SLC43A2: variants seen among roughly 807,000 people sequenced by gnomAD.
SLC43A2 encodes the protein large neutral amino acids transporter small subunit 4.
Under a neutral mutation model 63.2 loss-of-function variants are expected in SLC43A2, and 38 were observed. The observed-to-expected ratio is 0.60, with a 90% CI of 0.46 to 0.79. SLC43A2 has a LOEUF of 0.79. SLC43A2 is among the 30% of genes least tolerant of loss of function. SLC43A2 has a pLI of 0.00. For synonymous variants in SLC43A2, 322 were observed against 331.0 expected, an observed-to-expected ratio of 0.97 and a Z score of 0.30; for missense variants, 644 against 756.2, an observed-to-expected ratio of 0.85 and a Z score of 1.74.
chr17:1,580,379 T>C (rs2075993635), intron 11 of SLC43A2, among the ~76,000 whole-genome samples: 1 of 152,176 alleles, frequency 6.6e-6, no homozygotes, highest in Admixed American at 6.5e-5. Flanking sequence ...CAGACGTGTA[T>C]GGGCACAGCA....
At chr17:1,619,854 T>C (rs1357239476) in intron 2 of SLC43A2, among the ~76,000 whole-genome samples, 7 of 152,080 alleles carry the variant, frequency 4.6e-5, no homozygotes, top group Non-Finnish European at 1.0e-4. Flanking sequence ...ATGGGTGACT[T>C]GTGGGGACAG....
chr17:1,611,464 G>A (rs1377536968), intron 5 of SLC43A2, among the ~76,000 whole-genome samples: 2 of 151,756 alleles, frequency 1.3e-5, no homozygotes, highest in African/African-American at 2.4e-5. Flanking sequence ...GTGAAACCCC[G>A]TCTCTACTAA....
chr17:1,594,983 C>G (rs945744499), intron 5 of SLC43A2, among the ~76,000 whole-genome samples: 5 of 151,958 alleles, frequency 3.3e-5, no homozygotes, highest in Admixed American at 3.3e-4. Flanking sequence ...TTAAGACCAG[C>G]CTGGACAACA....
chr17:1,588,972 C>T (rs771446186), intron 9 of SLC43A2, among the ~76,000 whole-genome samples: 4 of 152,208 alleles, frequency 2.6e-5, no homozygotes, highest in Non-Finnish European at 4.4e-5. Flanking sequence ...CCTGCGGAGC[C>T]GCAAAGCTCA....
In SLC43A2 at chr17:1,606,117, C is replaced by T. The variant is rs9903662; in HGVS notation, c.501+7078G>A. On this transcript the variant is annotated intron_variant, in intron 5 of 13. Transcript: ENST00000301335. This position sits in a 1 kb window ranked among gnomAD's most constrained non-coding sequence, Gnocchi z 4.7. ...GCACTGGGCACTGGCAAGTCCCGCT[C>T]ACCAGGCACCTAGACCCTCCAGAGC... 0.037 allele frequency among the ~76,000 whole-genome samples: 5,585 copies of T among 152,208 alleles called. 357 individuals carry two copies. The highest frequency in any genetic ancestry group is 0.13 in the African/African-American group (5,277 of 41,510).
chr17:1,628,576 C>T (rs1054111494), intron 1 of SLC43A2, among the ~76,000 whole-genome samples: 4 of 152,210 alleles, frequency 2.6e-5, no homozygotes, highest in Non-Finnish European at 4.4e-5. Context: ...GCGCGACCCC[C>T]ATCTCGGGCG....
Position 1,575,776 on chromosome 17 carries a change from A to AGGGAGGCC in SLC43A2, c.1549-19_1549-12dup. ...CAGCCCCACGTTCACCTGGGGAGGC[A>AGGGAGGCC]GGGAGGCCGCGCATCACAGGGCGTG... On this transcript the variant is annotated splice_polypyrimidine_tract_variant and intron_variant, in intron 13 of 13. Coordinates refer to ENST00000301335, the MANE Select transcript of SLC43A2 (RefSeq NM_152346.3). The AGGGAGGCC allele has an allele frequency of 6.2e-7, 1 of 1,604,612 alleles. No homozygotes were observed. The highest frequency in any genetic ancestry group is 8.5e-7 in the Non-Finnish European group (1 of 1,175,626).
chr17:1,578,222 C>A lies in SLC43A2; in HGVS notation c.1424+28G>T. On this transcript the variant is annotated intron_variant, in intron 12 of 13. Coordinates refer to ENST00000301335, the MANE Select transcript of SLC43A2 (RefSeq NM_152346.3). This position sits in a 1 kb window ranked among gnomAD's most constrained non-coding sequence, Gnocchi z 6.5. ...CGGCCATTCCCACACCCTCGCCCACCAGGCCACCTGCGGCTTCCAGGACTT... is the reference window on the plus strand; with the variant it reads ...CGGCCATTCCCACACCCTCGCCCACAAGGCCACCTGCGGCTTCCAGGACTT... 1 of 1,609,212 alleles carries A rather than the reference C, an allele frequency of 6.2e-7. No individual in the cohort carries two copies. The highest frequency in any genetic ancestry group is 8.5e-7 in the Non-Finnish European group (1 of 1,176,290).
At chr17:1,579,150 AT>A (rs200705914) in intron 11 of SLC43A2, among the ~76,000 whole-genome samples, 6,103 of 142,870 alleles carry the variant, frequency 0.043, 169 homozygotes, top group Middle Eastern at 0.085. Flanking sequence ...AAAAAAAAAA[AT>A]AATAATAATA....
chr17:1,587,947 T>C (rs1598444981), intron 9 of SLC43A2, among the ~76,000 whole-genome samples: 1 of 152,214 alleles, frequency 6.6e-6, no homozygotes, highest in Non-Finnish European at 1.5e-5. Flanking sequence ...CTGTTGGCCC[T>C]GGACTGTTTT....
At chr17:1,609,649 G>A (rs762954587) in intron 5 of SLC43A2, among the ~76,000 whole-genome samples, 3 of 152,094 alleles carry the variant, frequency 2.0e-5, no homozygotes, top group South Asian at 2.1e-4. Context: ...TGGAAAAATT[G>A]GGAACCAAGC....
chr17:1,593,325 G>A lies in SLC43A2; in HGVS notation c.502-46C>T. 1 of 1,559,534 alleles carries A rather than the reference G, an allele frequency of 6.4e-7. No homozygotes were observed. The highest frequency in any genetic ancestry group is 8.8e-7 in the Non-Finnish European group (1 of 1,136,206). Reference sequence around the variant, plus strand: ...AAACCTCAGTGGGGAGGATGCACCAGGGAAGGGGAGGAGGAGGGGACAGAG... The same window carrying A: ...AAACCTCAGTGGGGAGGATGCACCAAGGAAGGGGAGGAGGAGGGGACAGAG... On this transcript the variant is annotated intron_variant, in intron 5 of 13. Transcript: ENST00000301335. This position sits in a 1 kb window ranked among gnomAD's most constrained non-coding sequence, Gnocchi z 5.3.
In SLC43A2 at chr17:1,575,657, C is replaced by T. The variant is rs749737286; in HGVS notation, c.1657G>A (p.Asp553Asn). The change falls in exon 14 of 14, where the codon GAC (aspartate) becomes AAC (asparagine). Residue 553 changes from aspartate (D) to asparagine (N), a missense_variant. Transcript: ENST00000301335. ...CCGTTGATTTTGAGGAAGAGTTTGTCATCCTCCTGCCTCTGCTGCAGCTGC... is the reference window on the plus strand; with the variant it reads ...CCGTTGATTTTGAGGAAGAGTTTGTTATCCTCCTGCCTCTGCTGCAGCTGC... Reference protein sequence around the residue: ...ERQLQQRQEDDKLFLKINGSS... With the variant: ...ERQLQQRQEDNKLFLKINGSS... 1.2e-6 allele frequency: 2 copies of T among 1,614,006 alleles called. No individual in the cohort carries two copies. Among genetic ancestry groups the T allele is most frequent in the African/African-American group, 1.3e-5 (1 of 74,926 alleles).
rs1248920398 is a variant in SLC43A2, at chr17:1,572,742, T to A, written c.*2862A>T. 2 of 152,794 alleles carry A rather than the reference T, an allele frequency of 1.3e-5. No homozygotes were observed. The highest frequency in any genetic ancestry group is 2.9e-5 in the Non-Finnish European group (2 of 68,468). The allele number at this position is 152,794 out of a possible 1,614,324, so 9.5% of individuals were successfully genotyped here. A position where few individuals can be genotyped will look rare whatever the true frequency, so the allele number is the denominator to read the frequency against. ...GCCCTGGACTGTTTCCCCCCCTCAA[T>A]TCTGTTTCTCAATGCCTGCTTCTTC... On this transcript the variant is annotated 3_prime_UTR_variant, in exon 14 of 14. Coordinates refer to ENST00000301335, the MANE Select transcript of SLC43A2 (RefSeq NM_152346.3).
chr17:1,604,831 C>G (rs1430241233), intron 5 of SLC43A2: 1 of 1,535,762 alleles, frequency 6.5e-7, no homozygotes, highest in Non-Finnish European at 8.7e-7. Flanking sequence ...GTAGGTCATC[C>G]TGACATCTGG....
Position 1,615,033 on chromosome 17 carries a change from C to T in SLC43A2, c.370G>A (p.Ala124Thr), listed in dbSNP as rs201027277. The T allele has an allele frequency of 1.3e-5, 21 of 1,613,790 alleles. No homozygotes were observed. The highest frequency in any genetic ancestry group is 4.4e-5 in the South Asian group (4 of 91,078). Reference protein sequence around the residue: ...GPRKLRLLGSACFAVSCLLIA... With the variant: ...GPRKLRLLGSTCFAVSCLLIA... ...AGCAAGCAGGAAACCGCGAAGCAGG[C>T]GCTAAAACCAAGCAGAAACGCAATG... The change falls in exon 4 of 14, where the codon GCC becomes ACC. Residue 124 changes from alanine to threonine, a missense_variant and splice_region_variant. Transcript: ENST00000301335.
At chr17:1,586,931 C>CCCCCCCCCCCCCCCCCCCCCCGTG in intron 9 of SLC43A2, 1 of 986,030 alleles carries the variant, frequency 1.0e-6, no homozygotes, top group Non-Finnish European at 1.5e-6. Context: ...CTGACAATCC[C>CCCCCCCCCCCCCCCCCCCCCCGTG]CCCCACCCCC....
At chr17:1,619,175 G>A (rs556993952) in intron 2 of SLC43A2, among the ~76,000 whole-genome samples, 7 of 151,868 alleles carry the variant, frequency 4.6e-5, no homozygotes, top group East Asian at 3.9e-4. Flanking sequence ...CATGGTGGGC[G>A]TCTATAATCA....
chr17:1,585,929 C>G lies in SLC43A2; in HGVS notation c.1201G>C (p.Glu401Gln). 1 of 1,613,758 alleles carries G rather than the reference C, an allele frequency of 6.2e-7. No homozygotes were observed. The change falls in exon 10 of 14, where the codon GAG becomes CAG. Residue 401 changes from glutamate to glutamine, a missense_variant. By Grantham distance (29) the Glu-to-Gln change is conservative (BLOSUM62 2). Coordinates refer to ENST00000301335, the MANE Select transcript of SLC43A2 (RefSeq NM_152346.3). ...ECEDASEEPEEKDANQGEKKK... is the reference protein window; with the variant it reads ...ECEDASEEPEQKDANQGEKKK... ...CCTACGCACTGGTTGGCGTCTTTCT[C>G]CTCGGGCTCCTCGGAGGCGTCTTCA...
Sources: gnomAD v4.1 joint callset for allele counts (sites outside exome capture counted in the v4.1 genomes callset) on GRCh38, gnomAD v4.1.1 for gene constraint, Gnocchi (gnomAD v3.1) non-coding constraint, MANE v1.5 for transcripts, NCBI Gene and HGNC (gene_info 2026-07-23, HGNC 2026-07-21) for gene names.